The following SDK1 variants were observed in gnomAD, a reference collection of about 807,000 sequenced individuals.
SDK1 encodes sidekick cell adhesion molecule 1, also known as protein sidekick-1.
In SDK1, 157 loss-of-function variants were observed where a neutral mutation model predicts 245.5. The observed-to-expected ratio is 0.64, with a 90% CI of 0.56 to 0.73. SDK1 has a LOEUF of 0.73. Among genes scored for constraint, SDK1 ranks in the 30% least tolerant of loss-of-function variants. SDK1 has a pLI of 0.00. For missense variants in SDK1, 3,583 were observed against 3,002.3 expected (o/e 1.19, Z -4.52); for synonymous variants, 1,647 against 1,278.5 (o/e 1.29, Z -6.15).
intron 1 of SDK1, among the ~76,000 whole-genome samples, chr7:3,605,745 G>T (rs1157229458): frequency 7.9e-5 from 12 of 152,092 alleles, no homozygotes; most frequent in Non-Finnish European, 2.9e-5. Context: ...AATTATTTCA[G>T]AGCTTTTGCA....
intron 1 of SDK1, among the ~76,000 whole-genome samples, chr7:3,507,345 G>C (rs1299760536): frequency 6.6e-6 from 1 of 152,140 alleles, no homozygotes; most frequent in Non-Finnish European, 1.5e-5. Flanking sequence ...AACTCCTTCT[G>C]TTTTTGTATT....
At chr7:4,209,697 C>T (rs543743651) in intron 37 of SDK1, among the ~76,000 whole-genome samples, 1 of 152,156 alleles carries the variant, frequency 6.6e-6, no homozygotes, top group East Asian at 1.9e-4. Flanking sequence ...AATCCTCCAG[C>T]AGTTGCTAGA....
chr7:3,732,550 G>C (rs1779211258), intron 4 of SDK1, among the ~76,000 whole-genome samples: 1 of 152,080 alleles, frequency 6.6e-6, no homozygotes, highest in South Asian at 2.1e-4. Context: ...TTTTTGTTCA[G>C]TGCTAATAAT....
chr7:3,899,657 A>G (rs752134414), intron 5 of SDK1, among the ~76,000 whole-genome samples: 1 of 152,144 alleles, frequency 6.6e-6, no homozygotes, highest in African/African-American at 2.4e-5. Flanking sequence ...TCCAAGCTGC[A>G]CCAGCTCCAC....
chr7:3,798,010 C>G (rs1201873084), intron 4 of SDK1, among the ~76,000 whole-genome samples: 3 of 152,058 alleles, frequency 2.0e-5, no homozygotes, highest in African/African-American at 4.8e-5. Context: ...ATGTTAACAT[C>G]TTACATGACC....
rs555812099 is a variant in SDK1 at position 3,567,210 on chromosome 7, C to T, written c.299-51870C>T. On this transcript the variant is annotated intron_variant, in intron 1 of 44. Coordinates refer to ENST00000404826, the MANE Select transcript of SDK1 (RefSeq NM_152744.4). ...TTTCGTGTTATCTACTTAAGGAGAA[C>T]AGTGCTTTGATGTTTGTTTATTAGC... is the stretch of plus-strand genomic sequence containing the variant. Among the ~76,000 whole-genome samples, 34 of 152,268 alleles carry T rather than the reference C, an allele frequency of 2.2e-4. 1 individual carries two copies. Among genetic ancestry groups the T allele is most frequent in the African/African-American group, 7.5e-4 (31 of 41,552 alleles).
intron 1 of SDK1, among the ~76,000 whole-genome samples, chr7:3,350,409 C>T (rs1048470968): frequency 2.0e-5 from 3 of 152,154 alleles, no homozygotes; most frequent in Admixed American, 6.5e-5. Context: ...TCCAAATTTA[C>T]TCAGCACATA....
At chr7:4,167,137 TAATCCCAGC>T (rs1781546869) in intron 32 of SDK1, among the ~76,000 whole-genome samples, 1 of 152,170 alleles carries the variant, frequency 6.6e-6, no homozygotes, top group African/African-American at 2.4e-5. Context: ...GGCACGCCTG[TAATCCCAGC>T]ACTTTGGTAG....
chr7:3,549,337 C>T (rs1487783309), intron 1 of SDK1, among the ~76,000 whole-genome samples: 1 of 152,174 alleles, frequency 6.6e-6, no homozygotes, highest in Non-Finnish European at 1.5e-5. Flanking sequence ...CTTCTTGTAC[C>T]TTCCTCTGTA....
At chr7:3,849,517 A>C (rs904000634) in intron 5 of SDK1, among the ~76,000 whole-genome samples, 7 of 152,212 alleles carry the variant, frequency 4.6e-5, no homozygotes, top group Non-Finnish European at 8.8e-5. Flanking sequence ...AAATTTGTTT[A>C]ACCACTTCAG....
At chr7:3,582,037 C>T (rs951839704) in intron 1 of SDK1, among the ~76,000 whole-genome samples, 6 of 151,376 alleles carry the variant, frequency 4.0e-5, no homozygotes, top group African/African-American at 1.2e-4. Flanking sequence ...AGATCTGTCT[C>T]AGGTAGGTCT....
At chr7:3,649,804 A>C (rs896869755) in intron 4 of SDK1, among the ~76,000 whole-genome samples, 1 of 152,076 alleles carries the variant, frequency 6.6e-6, no homozygotes, top group Admixed American at 6.5e-5. Flanking sequence ...CTGTTCTCCC[A>C]GGTTAATGTC....
At chr7:3,943,792 C>G (rs1780467763) in intron 5 of SDK1, among the ~76,000 whole-genome samples, 1 of 152,140 alleles carries the variant, frequency 6.6e-6, no homozygotes, top group Admixed American at 6.5e-5. Context: ...CTTCTCCCTC[C>G]TCAGCCTCTT....
intron 5 of SDK1, among the ~76,000 whole-genome samples, chr7:3,859,644 C>T (rs1043541372): frequency 6.6e-5 from 10 of 152,116 alleles, no homozygotes; most frequent in South Asian, 2.1e-4. Context: ...CATAAAAATT[C>T]CTTCTCTTTT....
At chr7:3,949,385 T>C (rs558176405) in intron 5 of SDK1, among the ~76,000 whole-genome samples, 1 of 152,360 alleles carries the variant, frequency 6.6e-6, no homozygotes, top group South Asian at 2.1e-4. Context: ...AGCACAGAGC[T>C]GTGGGAAATC....
intron 1 of SDK1, among the ~76,000 whole-genome samples, chr7:3,379,489 A>T (rs1010745958): frequency 2.0e-5 from 3 of 152,118 alleles, no homozygotes; most frequent in Middle Eastern, 3.2e-3. Flanking sequence ...AGCTTTGGAA[A>T]CAGGATGGGG....
intron 1 of SDK1, among the ~76,000 whole-genome samples, chr7:3,468,703 G>C (rs748994407): frequency 9.9e-5 from 15 of 152,154 alleles, no homozygotes; most frequent in Admixed American, 2.0e-4. Context: ...AACTCAGTCT[G>C]TTAGCATTAG....
At chr7:3,827,124 A>G (rs17325709) in intron 5 of SDK1, among the ~76,000 whole-genome samples, 21,767 of 152,128 alleles carry the variant, frequency 0.14, 1,694 homozygotes, top group Middle Eastern at 0.3. Context: ...TCTGTCTTAA[A>G]TCTTAGGTTA....
intron 1 of SDK1, among the ~76,000 whole-genome samples, chr7:3,374,985 T>G (rs555742958): frequency 1.3e-5 from 2 of 152,332 alleles, no homozygotes; most frequent in East Asian, 3.9e-4. Flanking sequence ...TGTAATTGTA[T>G]GTGCCACATA....
Sources: gnomAD v4.1 joint callset for allele counts (sites outside exome capture counted in the v4.1 genomes callset) on GRCh38, gnomAD v4.1.1 for gene constraint, MANE v1.5 for transcripts, NCBI Gene and HGNC (gene_info 2026-07-23, HGNC 2026-07-21) for gene names.